The following CACNA1H variants were observed in gnomAD, a reference collection of about 807,000 sequenced individuals.
CACNA1H encodes voltage-dependent T-type calcium channel subunit alpha-1H.
CACNA1H carries 149 observed loss-of-function variants against 192.5 expected under a neutral mutation model. The ratio of observed to expected loss-of-function variants is 0.77; its 90% CI spans 0.68 to 0.89. CACNA1H has a LOEUF of 0.89. Ranked by LOEUF, CACNA1H falls within the 40% of genes least tolerant of loss-of-function variation. The pLI is 0.00. For synonymous variants in CACNA1H, 2,202 were observed against 1,475.2 expected (o/e 1.49, Z -11.29); for missense variants, 4,257 against 3,423.5 (o/e 1.24, Z -6.08).
chr16:1,206,047 G>A (rs971482580), intron 11 of CACNA1H, 57 bp from the exon 12 acceptor site: 53 of 1,483,848 alleles, frequency 3.6e-5, no homozygotes, highest in African/African-American at 2.8e-4. Flanking sequence ...CCAGTGGGAC[G>A]AGGGCCTGGG....
chr16:1,209,427 C>G lies in CACNA1H; in HGVS notation c.3744+15C>G. On this transcript the variant is annotated intron_variant, in intron 17 of 34. Transcript: ENST00000348261. ...ACTCGGAGGACGTGAGTGCGTGGCC[C>G]TGGGCCCACCGCCGACTCGCCTTCG... is the stretch of plus-strand genomic sequence containing the variant. 1.9e-6 allele frequency: 3 copies of G among 1,592,972 alleles called. No homozygotes were observed. The highest frequency in any genetic ancestry group is 2.6e-6 in the Non-Finnish European group (3 of 1,176,322).
intron 26 of CACNA1H, among the ~76,000 whole-genome samples, chr16:1,213,473 G>A (rs563858381): frequency 8.5e-5 from 13 of 152,210 alleles, no homozygotes; most frequent in East Asian, 1.9e-4. Flanking sequence ...TGGCGCAACC[G>A]CGTTGCTGAG....
rs570832576 is a variant in CACNA1H at position 1,155,641 on chromosome 16, A to G, written c.299+1605A>G. ...TCACAGCCCCGGGCCTGGCTGCCCC[A>G]TCCCCAAGCAGGGCATGGACTCTCT... On this transcript the variant is annotated intron_variant, in intron 2 of 34. Coordinates refer to ENST00000348261, the MANE Select transcript of CACNA1H (RefSeq NM_021098.3). 1.8e-3 allele frequency among the ~76,000 whole-genome samples: 274 copies of G among 151,838 alleles called. 2 individuals carry two copies. The highest frequency in any genetic ancestry group is 4.6e-3 in the South Asian group (22 of 4,788).
intron 33 of CACNA1H, 130 bp from the exon 34 acceptor site, chr16:1,218,840 A>G: frequency 9.1e-7 from 1 of 1,095,708 alleles, no homozygotes; most frequent in Admixed American, 2.3e-5. Flanking sequence ...GGCAGGTGAG[A>G]GAGAGGACGG....
chr16:1,211,431 G>A, intron 22 of CACNA1H, 50 bp from the exon 23 acceptor site: 3 of 1,610,808 alleles, frequency 1.9e-6, no homozygotes, highest in Non-Finnish European at 2.5e-6. Flanking sequence ...AGTCCGGTGT[G>A]GGGTGGGGCA....
chr16:1,185,314 T>C (rs1075789), intron 2 of CACNA1H, among the ~76,000 whole-genome samples: 76,347 of 151,992 alleles, frequency 0.5, 19,606 homozygotes, highest in East Asian at 0.63. Flanking sequence ...TGTGGACACG[T>C]GTGGGCCCGT....
At chr16:1,204,669 C>T (rs919654578) in intron 10 of CACNA1H, among the ~76,000 whole-genome samples, 40 of 152,198 alleles carry the variant, frequency 2.6e-4, no homozygotes, top group Admixed American at 7.2e-4. Flanking sequence ...CCTCTCTAGA[C>T]GGCAGCTGAT....
rs570625067 is a variant in CACNA1H, at chr16:1,218,447, G to C, written c.5683G>C (p.Asp1895His). The part of the protein sequence containing the change: ...AQGPGSARRV[D>H]ADRPPLPQES... ...GGGCCCCGGGAGTGCACGCCGGGTG[G>C]ACGCGGACAGGCCTCCCTTGCCCCA... is the stretch of plus-strand genomic sequence containing the variant. The change falls in exon 33 of 35, where the codon GAC becomes CAC. Residue 1895 changes from aspartate to histidine, a missense_variant. Asp to His is a moderately conservative substitution (Grantham distance 81). Coordinates refer to ENST00000348261, the MANE Select transcript of CACNA1H (RefSeq NM_021098.3). 33 of 1,551,956 alleles carry C rather than the reference G, an allele frequency of 2.1e-5. No homozygotes were observed. The highest frequency in any genetic ancestry group is 2.9e-5 in the Non-Finnish European group (33 of 1,148,180).
At chr16:1,203,214 C>CTG (rs1355661062) in intron 9 of CACNA1H, among the ~76,000 whole-genome samples, 8 of 152,184 alleles carry the variant, frequency 5.3e-5, no homozygotes, top group African/African-American at 1.9e-4. Flanking sequence ...AGTCCAGCCG[C>CTG]TGTGTGTTAT....
intron 25 of CACNA1H, 136 bp from the exon 26 acceptor site, chr16:1,212,375 A>C (rs1357989477): frequency 9.6e-7 from 1 of 1,040,824 alleles, no homozygotes; most frequent in Non-Finnish European, 1.4e-6. Flanking sequence ...CCCAAGAGGC[A>C]GGTTCCCCAC....
intron 14 of CACNA1H, 134 bp downstream of exon 14, chr16:1,207,564 A>G (rs1968888774): frequency 9.1e-7 from 1 of 1,100,880 alleles, no homozygotes. Flanking sequence ...CCATGAGGAG[A>G]GGGGAGGCCA....
chr16:1,216,275 C>T (rs187392407), intron 30 of CACNA1H, among the ~76,000 whole-genome samples: 1 of 152,354 alleles, frequency 6.6e-6, no homozygotes, highest in Admixed American at 6.5e-5. Flanking sequence ...ACCCTGTCCT[C>T]AGCGGCGTGC....
chr16:1,211,715 G>T lies in CACNA1H; in HGVS notation c.4477-1G>T. On this transcript the variant is annotated splice_acceptor_variant, in intron 23 of 34. Transcript: ENST00000348261. LOFTEE classifies it high-confidence loss of function. ...CCAGTGACCCTGGCTCTGGCCCTCAGGCCCTGATGTCGCTGTTCGTGCTGT... is the reference window on the plus strand; with the variant it reads ...CCAGTGACCCTGGCTCTGGCCCTCATGCCCTGATGTCGCTGTTCGTGCTGT... The T allele has an allele frequency of 6.2e-7, 1 of 1,612,568 alleles. No individual in the cohort carries two copies. Among genetic ancestry groups the T allele is most frequent in the Non-Finnish European group, 8.5e-7 (1 of 1,179,720 alleles).
Position 1,201,867 on chromosome 16 carries a change from C to T in CACNA1H, c.1417C>T (p.Arg473Trp), listed in dbSNP as rs1188071587. The change falls in exon 9 of 35, where the codon CGG (arginine) becomes TGG (tryptophan). Residue 473 changes from arginine (R) to tryptophan (W), a missense_variant. Physicochemically the swap from Arg to Trp is moderately radical, Grantham distance 101. Transcript: ENST00000348261. ...GGGCCACATATTCCGCAAGGTCAAG[C>T]GGCGCAGCTTGCGCCTCTACGCCCG... The part of the protein sequence containing the change: ...YVGHIFRKVK[R>W]RSLRLYARWQ... The T allele has an allele frequency of 5.1e-6, 8 of 1,557,214 alleles. No individual in the cohort carries two copies. The highest frequency in any genetic ancestry group is 2.4e-5 in the East Asian group (1 of 41,376).
chr16:1,188,195 A>G (rs1366300576), intron 2 of CACNA1H, among the ~76,000 whole-genome samples: 6 of 152,168 alleles, frequency 3.9e-5, no homozygotes, highest in African/African-American at 1.4e-4. Context: ...TGGCCCCAGG[A>G]TACGTGAGCC....
At chr16:1,173,246 G>A (rs1013510718) in intron 2 of CACNA1H, among the ~76,000 whole-genome samples, 4 of 152,176 alleles carry the variant, frequency 2.6e-5, no homozygotes, top group Non-Finnish European at 5.9e-5. Flanking sequence ...GAGGAAAGGG[G>A]TGCGGAGCTT....
intron 12 of CACNA1H, chr16:1,206,795 G>A (rs1596439975): frequency 1.8e-6 from 1 of 558,806 alleles, no homozygotes; most frequent in East Asian, 2.9e-5. Flanking sequence ...CTCGCCTGTG[G>A]AATGGACACT....
chr16:1,212,275 G>C, intron 25 of CACNA1H, 137 bp downstream of exon 25: 1 of 1,339,680 alleles, frequency 7.5e-7, no homozygotes, highest in Admixed American at 2.7e-5. Context: ...CTGCATGGGG[G>C]CTGGGCCTTG....
chr16:1,202,145 A>C lies in CACNA1H; in HGVS notation c.1695A>C (p.Gly565=), dbSNP rs1272259379. ...CCTCGCCACCTTCCCCAGGCCGCGGACCCCCCGACGCAGAGTCTGTGCACA... is the reference window on the plus strand; with the variant it reads ...CCTCGCCACCTTCCCCAGGCCGCGGCCCCCCCGACGCAGAGTCTGTGCACA... ...APPSPPSPGR[G]PPDAESVHSI... Residue 565 remains glycine, a synonymous_variant, in exon 9 of 35, where the codon GGA becomes GGC. Transcript: ENST00000348261. The C allele has an allele frequency of 3.9e-6, 6 of 1,548,456 alleles. No individual in the cohort carries two copies. The highest frequency in any genetic ancestry group is 4.9e-5 in the East Asian group (2 of 40,832).
Sources: allele counts gnomAD v4.1 joint callset (sites outside exome capture counted in the v4.1 genomes callset), GRCh38; gene constraint gnomAD v4.1.1; transcripts MANE v1.5; gene names NCBI Gene and HGNC (gene_info 2026-07-23, HGNC 2026-07-21).